Variants in ADGRV1 observed in about 807,000 individuals in gnomAD.
ADGRV1 encodes adhesion G protein-coupled receptor V1.
ADGRV1 carries 359 observed loss-of-function variants against 596.2 expected under a neutral mutation model. The ratio of observed to expected loss-of-function variants is 0.60; its 90% confidence interval spans 0.55 to 0.66. The LOEUF (loss-of-function observed/expected upper bound fraction) is 0.66. ADGRV1 is among the 30% of genes least tolerant of loss of function. The pLI is 0.00. For missense variants in ADGRV1, 7,274 were observed against 7,575.6 expected (o/e 0.96, Z 1.48); for synonymous variants, 2,681 against 2,679.2 (o/e 1.00, Z -0.02).
chr5:91,006,703 T>A (rs1782308918), intron 85 of ADGRV1, among the ~76,000 whole-genome samples: 1 of 152,230 alleles, frequency 6.6e-6, no homozygotes, highest in East Asian at 1.9e-4. Flanking sequence ...TGTGATTTTT[T>A]AAATTAAAAA....
In ADGRV1 at chr5:90,807,656, T is replaced by G. The variant is rs1662167259; in HGVS notation, c.14891T>G (p.Phe4964Cys). 6.2e-7 allele frequency: 1 copy of G among 1,613,044 alleles called. No homozygotes were observed. Among genetic ancestry groups the G allele is most frequent in the Admixed American group, 1.7e-5 (1 of 59,990 alleles). ...EQRKGVFLWT[F>C]PSPGWPEAFV... ...AGGAAAGGAGTTTTCCTGTGGACGT[T>G]TCCTAGCCCTGGTTGGCCAGAGGCC... The change falls in exon 73 of 90, where the codon TTT (phenylalanine) becomes TGT (cysteine). Residue 4964 changes from phenylalanine to cysteine, a missense_variant. Around this residue, in one of 5 missense-constraint regions of ADGRV1, gnomAD observed 1,874 missense variants for 1,970.2 expected, o/e 0.95. Coordinates refer to ENST00000405460, the MANE Select transcript of ADGRV1 (RefSeq NM_032119.4).
intron 83 of ADGRV1, among the ~76,000 whole-genome samples, chr5:90,907,120 C>T (rs960072136): frequency 2.0e-5 from 3 of 152,016 alleles, no homozygotes. Context: ...TTATTATGGG[C>T]ATTATGAATA....
At chr5:90,893,663 T>C (rs1771037735) in intron 83 of ADGRV1, among the ~76,000 whole-genome samples, 1 of 152,238 alleles carries the variant, frequency 6.6e-6, no homozygotes, top group Non-Finnish European at 1.5e-5. Context: ...TTAAAGCATG[T>C]ATGTATTTAA....
intron 89 of ADGRV1, among the ~76,000 whole-genome samples, chr5:91,158,421 TACAA>T (rs776919081): frequency 3.9e-5 from 6 of 152,190 alleles, no homozygotes; most frequent in Non-Finnish European, 8.8e-5. Context: ...AACCAAAACC[TACAA>T]GGTGGAAAAA....
chr5:90,871,555 T>C (rs1768683989), intron 83 of ADGRV1, among the ~76,000 whole-genome samples: 1 of 152,194 alleles, frequency 6.6e-6, no homozygotes, highest in Admixed American at 6.5e-5. Context: ...GAGGCTACAG[T>C]GACATTATCA....
rs964877884 is a variant in ADGRV1, at chr5:90,718,367, T to G, written c.9447+1638T>G. On this transcript the variant is annotated intron_variant, in intron 43 of 89. Coordinates refer to ENST00000405460, the MANE Select transcript of ADGRV1 (RefSeq NM_032119.4). ...TTTTATTGTATGTATATACCGTAAT[T>G]TTTAAATCCAGCTATCTGTTGTTTC... 7.9e-5 allele frequency: 12 copies of G among 152,358 alleles called. 1 individual carries two copies. Among genetic ancestry groups the G allele is most frequent in the African/African-American group, 2.9e-4 (12 of 41,590 alleles). The allele number at this position is 152,358 out of a possible 1,614,324, so 9.4% of individuals were successfully genotyped here. A position where few individuals can be genotyped will look rare whatever the true frequency, so the allele number is the denominator to read the frequency against.
Position 90,774,233 on chromosome 5 carries a change from G to A in ADGRV1, c.12333G>A (p.Val4111=). ...TIVLHTLQDT[V]LEEDRRFTIQ... ...TGTTGCACACACTTCAAGACACAGT[G>A]TTGGAGGAGGACAGGCGTTTCACCA... The change falls in exon 60 of 90, where the codon GTG becomes GTA. Residue 4111 remains valine, a synonymous_variant. Coordinates refer to ENST00000405460, the MANE Select transcript of ADGRV1 (RefSeq NM_032119.4). 1.2e-6 allele frequency: 2 copies of A among 1,611,724 alleles called. No individual in the cohort carries two copies. Among genetic ancestry groups the A allele is most frequent in the Non-Finnish European group, 1.7e-6 (2 of 1,178,048 alleles).
Position 90,854,128 on chromosome 5 carries a change from A to G in ADGRV1, c.17521A>G (p.Arg5841Gly). ...LLTNDNEVLY[R>G]IYAAEPRIIP... ...GACTAATGACAATGAGGTTCTCTAC[A>G]GGATTTATGCTGCTGAGCCTAGAAT... is the stretch of plus-strand genomic sequence containing the variant. The change falls in exon 81 of 90, where the codon AGG becomes GGG. Residue 5841 changes from arginine (R) to glycine (G), a missense_variant. Transcript: ENST00000405460. The G allele has an allele frequency of 6.3e-7, 1 of 1,577,084 alleles. No homozygotes were observed. The highest frequency in any genetic ancestry group is 1.8e-5 in the Admixed American group (1 of 54,878).
chr5:90,841,969 GCAGTAAAAACT>G (rs1354845669), intron 78 of ADGRV1, among the ~76,000 whole-genome samples: 1 of 152,152 alleles, frequency 6.6e-6, no homozygotes, highest in Non-Finnish European at 1.5e-5. Flanking sequence ...AGAAAATTCT[GCAGTAAAAACT>G]CACTCCACAA....
At chr5:91,095,518 T>TGTATG (rs1790776187) in intron 86 of ADGRV1, among the ~76,000 whole-genome samples, 1 of 152,156 alleles carries the variant, frequency 6.6e-6, no homozygotes, top group Non-Finnish European at 1.5e-5. Context: ...TGTATGACCC[T>TGTATG]CAGTTTATTT....
chr5:90,810,645 G>C lies in ADGRV1; in HGVS notation c.15385G>C (p.Asp5129His). Residue 5129 changes from aspartate to histidine, a missense_variant, in exon 74 of 90, where the codon GAC becomes CAC. By Grantham distance (81) the Asp-to-His change is moderately conservative. Around this residue, in one of 5 missense-constraint regions of ADGRV1, gnomAD observed 1,874 missense variants for 1,970.2 expected, o/e 0.95. Coordinates refer to ENST00000405460, the MANE Select transcript of ADGRV1 (RefSeq NM_032119.4). ...AGTGATTACAATATTGGATAATGAT[G>C]ACCTGGCAGGAATGGATATTTCCTT... ...VAVITILDND[D>H]LAGMDISFPE... 6.2e-7 allele frequency: 1 copy of C among 1,613,890 alleles called. No homozygotes were observed. Among genetic ancestry groups the C allele is most frequent in the Non-Finnish European group, 8.5e-7 (1 of 1,179,858 alleles).
At chr5:90,902,113 G>C (rs1771905144) in intron 83 of ADGRV1, among the ~76,000 whole-genome samples, 2 of 152,080 alleles carry the variant, frequency 1.3e-5, no homozygotes, top group South Asian at 4.1e-4. Context: ...TTATGTGTAA[G>C]GAAAAGAAAG....
intron 87 of ADGRV1, among the ~76,000 whole-genome samples, chr5:91,132,419 G>A (rs1247951113): frequency 6.6e-6 from 1 of 151,984 alleles, no homozygotes; most frequent in Admixed American, 6.6e-5. Flanking sequence ...TTATTCATTC[G>A]AAGGTATTCA....
chr5:90,783,276 G>A lies in ADGRV1; in HGVS notation c.13384G>A (p.Gly4462Arg). ...LHGSTVTFQHGQNLSFINISI... is the reference protein window; with the variant it reads ...LHGSTVTFQHRQNLSFINISI... ...TGGCAGTACAGTCACCTTTCAGCAT[G>A]GGCAAAACTTAAGTTTTATAAATAT... is the stretch of plus-strand genomic sequence containing the variant. Residue 4462 changes from glycine to arginine, a missense_variant, in exon 66 of 90, where the codon GGG becomes AGG. By Grantham distance (125) the Gly-to-Arg change is moderately radical. Transcript: ENST00000405460. 6.2e-7 allele frequency: 1 copy of A among 1,613,378 alleles called. No homozygotes were observed. Among genetic ancestry groups the A allele is most frequent in the Non-Finnish European group, 8.5e-7 (1 of 1,179,504 alleles).
Position 90,724,681 on chromosome 5 carries a change from C to A in ADGRV1, c.9749-151C>A, listed in dbSNP as rs115041980. ...ATTTGTAGTTATTTTAAAGTTTTCC[C>A]ACTTGTGTCTTTTCACACTCATACA... is the stretch of plus-strand genomic sequence containing the variant. On this transcript the variant is annotated intron_variant, in intron 45 of 89. Transcript: ENST00000405460. 3.9e-3 allele frequency: 2,224 copies of A among 574,712 alleles called. 41 individuals carry two copies. In the African/African-American group the frequency reaches 0.039, roughly 10 times the overall value. 35.6% of individuals were successfully genotyped at this position (574,712 alleles called of 1,614,324 possible). A position where few individuals can be genotyped will look rare whatever the true frequency, so the allele number is the denominator to read the frequency against.
chr5:91,093,776 G>A (rs781024653), intron 86 of ADGRV1, among the ~76,000 whole-genome samples: 7 of 151,736 alleles, frequency 4.6e-5, no homozygotes, highest in Non-Finnish European at 8.8e-5. Flanking sequence ...TAAATGGCCT[G>A]ATCATATATG....
At chr5:91,013,377 AT>A (rs1168177149) in intron 85 of ADGRV1, among the ~76,000 whole-genome samples, 4 of 151,936 alleles carry the variant, frequency 2.6e-5, no homozygotes, top group Non-Finnish European at 5.9e-5. Context: ...AGCATCTGTT[AT>A]TTTTTGCCTT....
intron 64 of ADGRV1, 37 bp downstream of exon 64, chr5:90,779,134 GA>G (rs1361487284): frequency 7.8e-7 from 1 of 1,280,676 alleles, no homozygotes; most frequent in East Asian, 2.4e-5. Context: ...AGAAAGCAAA[GA>G]GCAGAGAGAA....
chr5:90,679,497 C>T (rs1744660208), intron 25 of ADGRV1, 52 bp from the exon 26 acceptor site: 3 of 1,314,636 alleles, frequency 2.3e-6, no homozygotes, highest in African/African-American at 2.9e-5. Context: ...TCAATTTTCT[C>T]ATTGTGTCAA....
Sources: allele counts gnomAD v4.1 joint callset (sites outside exome capture counted in the v4.1 genomes callset), GRCh38; gene constraint gnomAD v4.1.1; regional missense constraint gnomAD v4.1.1; transcripts MANE v1.5; gene names NCBI Gene and HGNC (gene_info 2026-07-23, HGNC 2026-07-21).